IPCEF1: variants seen among roughly 807,000 people sequenced by gnomAD.
The protein encoded by IPCEF1 is interactor protein for cytohesin exchange factors 1.
IPCEF1 carries 31 observed loss-of-function variants against 50.9 expected under a neutral mutation model. The ratio of observed to expected loss-of-function variants is 0.61; its 90% CI spans 0.46 to 0.82. IPCEF1 has a LOEUF of 0.82. IPCEF1 is among the 40% of genes least tolerant of loss of function. The probability of loss-of-function intolerance (pLI) is 0.00; values close to 1 mark genes in which losing one functional copy is unlikely to be tolerated. For missense variants in IPCEF1, 458 were observed against 514.0 expected, an observed-to-expected ratio of 0.89 and a Z score of 1.05; for synonymous variants, 181 against 192.0, an observed-to-expected ratio of 0.94 and a Z score of 0.47.
rs546730142 is a variant in IPCEF1, at chr6:154,329,104, A to T, written c.-62+27568T>A. ...AATGTTTCCAGGACACAGGAAAAAA[A>T]GTTTTTAAATTACATTTTAAAAATC... On this transcript the variant is annotated intron_variant, in intron 1 of 11. Coordinates refer to ENST00000367220, the MANE Select transcript of IPCEF1 (RefSeq NM_001130700.2). 3.3e-5 allele frequency among the ~76,000 whole-genome samples: 5 copies of T among 152,328 alleles called. No individual in the cohort carries two copies. In the South Asian group the frequency reaches 1.0e-3, roughly 32 times the overall value.
At chr6:154,276,423 T>C (rs973031558) in intron 2 of IPCEF1, among the ~76,000 whole-genome samples, 1 of 152,180 alleles carries the variant, frequency 6.6e-6, no homozygotes, top group African/African-American at 2.4e-5. Flanking sequence ...TAAACTACTG[T>C]ATATAATCAT....
At position 154,208,981 on chromosome 6, in the gene IPCEF1, A is replaced by C. The variant is rs149621801; in HGVS notation, c.537+3789T>G. 4.5e-3 allele frequency among the ~76,000 whole-genome samples: 678 copies of C among 152,334 alleles called. 7 individuals carry two copies. The highest frequency in any genetic ancestry group is 0.016 in the African/African-American group (658 of 41,584). Reference sequence around the variant, plus strand: ...TCAACCCTCTGAAACCTTCTGAAGAAGGAGGAACATAACATAAAAACCTCT... The same window carrying C: ...TCAACCCTCTGAAACCTTCTGAAGACGGAGGAACATAACATAAAAACCTCT... On this transcript the variant is annotated intron_variant, in intron 9 of 11. Transcript: ENST00000367220.
At position 154,341,871 on chromosome 6, in the gene IPCEF1, G is replaced by A. The variant is rs74605107; in HGVS notation, c.-62+14801C>T. Among the ~76,000 whole-genome samples, 1,506 of 152,236 alleles carry A rather than the reference G, an allele frequency of 9.9e-3. 31 individuals are homozygous for A. Among genetic ancestry groups the A allele is most frequent in the African/African-American group, 0.034 (1,424 of 41,542 alleles). ...TGTATGCCTTCACCTAAAAAGAAGA[G>A]TGTGATGTGTAAGCCTTGAACTGCT... On this transcript the variant is annotated intron_variant, in intron 1 of 11. Transcript: ENST00000367220.
intron 1 of IPCEF1, among the ~76,000 whole-genome samples, chr6:154,336,434 A>C (rs1398127367): frequency 5.3e-5 from 8 of 152,190 alleles, no homozygotes; most frequent in Admixed American, 4.6e-4. Context: ...GACAAATATC[A>C]CATGTTCTCA....
At chr6:154,271,568 A>G (rs1229934861) in intron 2 of IPCEF1, among the ~76,000 whole-genome samples, 1 of 152,238 alleles carries the variant, frequency 6.6e-6, no homozygotes, top group Non-Finnish European at 1.5e-5. Flanking sequence ...CAATGTTTAC[A>G]ATATGCCAGA....
chr6:154,309,906 G>T (rs1312163911), intron 1 of IPCEF1, among the ~76,000 whole-genome samples: 2 of 151,854 alleles, frequency 1.3e-5, no homozygotes, highest in African/African-American at 2.4e-5. Context: ...TGGGATTACA[G>T]GCGCATGCCA....
chr6:154,263,162 A>G lies in IPCEF1; in HGVS notation c.36+2750T>C, dbSNP rs6926687. Among the ~76,000 whole-genome samples, 1,042 of 151,520 alleles carry G rather than the reference A, an allele frequency of 6.9e-3. 10 individuals carry two copies. Among genetic ancestry groups the G allele is most frequent in the African/African-American group, 0.024 (997 of 41,294 alleles). ...TTCAACTTCCTTACTCTATTTTTAC[A>G]GATCTGCAATGTCCATTTGCATTAA... On this transcript the variant is annotated intron_variant, in intron 3 of 11. Coordinates refer to ENST00000367220, the MANE Select transcript of IPCEF1 (RefSeq NM_001130700.2).
chr6:154,238,427 GTA>G (rs148667051), intron 5 of IPCEF1, among the ~76,000 whole-genome samples: 4 of 150,176 alleles, frequency 2.7e-5, no homozygotes, highest in African/African-American at 4.9e-5. Flanking sequence ...GGCTAATTTT[GTA>G]TATATATATA....
chr6:154,205,779 C>A (rs1777444722), intron 9 of IPCEF1, among the ~76,000 whole-genome samples: 1 of 151,960 alleles, frequency 6.6e-6, no homozygotes, highest in South Asian at 2.1e-4. Flanking sequence ...TTTTGTTTAC[C>A]CCAGGCTGCC....
intron 9 of IPCEF1, among the ~76,000 whole-genome samples, chr6:154,210,927 A>C (rs1437758081): frequency 6.6e-6 from 1 of 152,188 alleles, no homozygotes; most frequent in Admixed American, 6.5e-5. Context: ...GTGTGAAAAA[A>C]CAGTAGAGGT....
At chr6:154,243,016 T>C (rs905933046) in intron 5 of IPCEF1, among the ~76,000 whole-genome samples, 2 of 152,124 alleles carry the variant, frequency 1.3e-5, no homozygotes, top group African/African-American at 4.8e-5. Context: ...TAAGGAGGGA[T>C]AAGTTTGATG....
chr6:154,197,300 TTTGA>T (rs1168213676), intron 10 of IPCEF1, among the ~76,000 whole-genome samples: 1 of 152,046 alleles, frequency 6.6e-6, no homozygotes, highest in African/African-American at 2.4e-5. Flanking sequence ...CAATATGAAA[TTTGA>T]TTACTCAACA....
At chr6:154,333,903 G>A (rs955054666) in intron 1 of IPCEF1, among the ~76,000 whole-genome samples, 5 of 151,648 alleles carry the variant, frequency 3.3e-5, no homozygotes, top group African/African-American at 1.2e-4. Flanking sequence ...AACATGCAAG[G>A]GCTTAACAGA....
chr6:154,339,879 G>A (rs1396488283), intron 1 of IPCEF1, among the ~76,000 whole-genome samples: 2 of 152,180 alleles, frequency 1.3e-5, no homozygotes, highest in Non-Finnish European at 2.9e-5. Flanking sequence ...TTACAGGCAT[G>A]AGCCGCCGCT....
intron 10 of IPCEF1, among the ~76,000 whole-genome samples, chr6:154,193,221 C>A (rs1293824830): frequency 6.6e-6 from 1 of 152,130 alleles, no homozygotes; most frequent in African/African-American, 2.4e-5. Context: ...TTCACAGCAA[C>A]CTTGGATGGA....
chr6:154,270,838 C>T (rs940538364), intron 2 of IPCEF1, among the ~76,000 whole-genome samples: 11 of 151,866 alleles, frequency 7.2e-5, no homozygotes, highest in South Asian at 2.1e-4. Flanking sequence ...TAGCCAGGTG[C>T]GGTGGTGCAC....
intron 2 of IPCEF1, among the ~76,000 whole-genome samples, chr6:154,279,582 A>G (rs980158288): frequency 5.9e-5 from 9 of 152,240 alleles, no homozygotes; most frequent in Non-Finnish European, 1.2e-4. Flanking sequence ...CTTTTAAATT[A>G]ATGGCCAATT....
intron 10 of IPCEF1, among the ~76,000 whole-genome samples, chr6:154,177,322 A>C (rs1396225194): frequency 6.6e-6 from 1 of 152,278 alleles, no homozygotes; most frequent in Non-Finnish European, 1.5e-5. Flanking sequence ...TCTGCACAGC[A>C]AAAGAAACTA....
At chr6:154,238,412 T>A (rs1780309513) in intron 5 of IPCEF1, among the ~76,000 whole-genome samples, 1 of 152,002 alleles carries the variant, frequency 6.6e-6, no homozygotes. Flanking sequence ...TGCACCACCA[T>A]ACTGGGCTAA....
Sources: allele counts gnomAD v4.1 joint callset (sites outside exome capture counted in the v4.1 genomes callset), GRCh38; gene constraint gnomAD v4.1.1; transcripts MANE v1.5; gene names NCBI Gene and HGNC (gene_info 2026-07-23, HGNC 2026-07-21).